TMEM156: variants seen among roughly 807,000 people sequenced by gnomAD.
The protein encoded by TMEM156 is transmembrane protein 156.
A neutral mutation model predicts 30.5 loss-of-function variants in TMEM156; 28 were observed. The ratio of observed to expected loss-of-function variants is 0.92; its 90% CI spans 0.68 to 1.26. The LOEUF (loss-of-function observed/expected upper bound fraction) is 1.26. Ranked by LOEUF, TMEM156 falls within the 50% of genes most tolerant of loss-of-function variation. The pLI is 0.00. For synonymous variants in TMEM156, 137 were observed against 119.9 expected, an observed-to-expected ratio of 1.14 and a Z score of -0.93; for missense variants, 351 against 340.6, an observed-to-expected ratio of 1.03 and a Z score of -0.24.
intron 5 of TMEM156, among the ~76,000 whole-genome samples, chr4:38,984,441 G>A (rs1711819123): frequency 6.6e-6 from 1 of 151,626 alleles, no homozygotes. Flanking sequence ...TGGAATGTGT[G>A]GCTAGTGTTG....
At chr4:38,978,590 G>A (rs902426410) in intron 5 of TMEM156, among the ~76,000 whole-genome samples, 53 of 152,276 alleles carry the variant, frequency 3.5e-4, no homozygotes, top group African/African-American at 1.2e-3. Flanking sequence ...TGATTTGGGG[G>A]TAACAAAAAT....
chr4:38,976,041 C>T (rs1380062929), intron 5 of TMEM156, among the ~76,000 whole-genome samples: 1 of 151,924 alleles, frequency 6.6e-6, no homozygotes, highest in East Asian at 1.9e-4. Flanking sequence ...AATCCCAGCA[C>T]TTCGGGAGGC....
intron 2 of TMEM156, 55 bp from the exon 3 acceptor site, chr4:38,994,053 A>T: frequency 6.8e-7 from 1 of 1,468,312 alleles, no homozygotes; most frequent in Non-Finnish European, 9.4e-7. Flanking sequence ...TAGCAAGAAA[A>T]CACATACAAT....
intron 2 of TMEM156, among the ~76,000 whole-genome samples, chr4:38,997,834 T>C (rs908690829): frequency 1.3e-5 from 2 of 152,212 alleles, no homozygotes; most frequent in African/African-American, 4.8e-5. Flanking sequence ...TCAGACATTG[T>C]GCACAAAGCT....
intron 5 of TMEM156, among the ~76,000 whole-genome samples, chr4:38,974,465 A>C (rs1458301116): frequency 1.3e-5 from 2 of 152,116 alleles, no homozygotes; most frequent in African/African-American, 2.4e-5. Context: ...GTCTTGCAAC[A>C]GTTTAAATAC....
In TMEM156 at chr4:39,007,811, T is replaced by A. The variant is rs117291532; in HGVS notation, c.89-8902A>T. Among the ~76,000 whole-genome samples, 66 of 152,222 alleles carry A rather than the reference T, an allele frequency of 4.3e-4. No homozygotes were observed. In the East Asian group the frequency reaches 0.011, roughly 25 times the overall value. ...GTTTCTTTGATATCTTTCAATAAGT[T>A]TTCTAAATTTTCTCCATTATGATCT... On this transcript the variant is annotated intron_variant, in intron 1 of 6. Transcript: ENST00000381938.
chr4:38,987,679 T>C (rs569315177), intron 4 of TMEM156, among the ~76,000 whole-genome samples: 1 of 152,320 alleles, frequency 6.6e-6, no homozygotes, highest in African/African-American at 2.4e-5. Flanking sequence ...CTAGACACTG[T>C]GGTAAACTTT....
intron 1 of TMEM156, among the ~76,000 whole-genome samples, chr4:39,027,966 AG>A (rs1256098437): frequency 6.6e-6 from 1 of 151,990 alleles, no homozygotes; most frequent in Non-Finnish European, 1.5e-5. Flanking sequence ...CATTTTGGCC[AG>A]GCCGGTCTTA....
chr4:38,982,179 T>C (rs1456771213), intron 5 of TMEM156, among the ~76,000 whole-genome samples: 3 of 152,200 alleles, frequency 2.0e-5, no homozygotes, highest in Non-Finnish European at 4.4e-5. Context: ...GGACTCCATC[T>C]TTCTCCATGC....
At chr4:39,012,815 T>C (rs538146962) in intron 1 of TMEM156, among the ~76,000 whole-genome samples, 20 of 152,200 alleles carry the variant, frequency 1.3e-4, no homozygotes, top group Admixed American at 1.2e-3. Context: ...GGCAGGTGCC[T>C]GTAATCCCAG....
At chr4:38,976,916 T>C (rs1457363830) in intron 5 of TMEM156, among the ~76,000 whole-genome samples, 2 of 151,350 alleles carry the variant, frequency 1.3e-5, no homozygotes, top group African/African-American at 4.9e-5. Context: ...TTGTTGTTGT[T>C]CTTGTTTGAG....
chr4:38,978,184 T>A (rs189096382), intron 5 of TMEM156, among the ~76,000 whole-genome samples: 1 of 151,850 alleles, frequency 6.6e-6, no homozygotes, highest in African/African-American at 2.4e-5. Flanking sequence ...CCCCAGCCAT[T>A]TTTTTTTATT....
At position 38,967,632 on chromosome 4, in the gene TMEM156, C is replaced by A. The variant is rs367844279; in HGVS notation, c.*48G>T. ...TTCAAAGGGCTCGGTCCAACTTGCC[C>A]GGGGATATTCTGAAGATTTAAATAA... On this transcript the variant is annotated 3_prime_UTR_variant, in exon 7 of 7. Transcript: ENST00000381938. 1 of 152,094 alleles carries A rather than the reference C, an allele frequency of 6.6e-6. No individual in the cohort carries two copies. Among genetic ancestry groups the A allele is most frequent in the African/African-American group, 2.4e-5 (1 of 41,418 alleles). The allele number at this position is 152,094 out of a possible 1,614,324, so 9.4% of individuals were successfully genotyped here.
In TMEM156 at chr4:38,986,438, T is replaced by C. The variant is rs931463707; in HGVS notation, c.740-19A>G. 6.4e-7 allele frequency: 1 copy of C among 1,557,784 alleles called. No homozygotes were observed. The highest frequency in any genetic ancestry group is 8.9e-7 in the Non-Finnish European group (1 of 1,129,228). On this transcript the variant is annotated intron_variant, in intron 4 of 6. Coordinates refer to ENST00000381938, the MANE Select transcript of TMEM156 (RefSeq NM_024943.3). ...CTATGACCTATTCCCAGAAAAGAAA[T>C]GAAGTATTTAGATGATAAACAAGCG... is the stretch of plus-strand genomic sequence containing the variant.
chr4:38,989,704 G>A (rs1712277317), intron 3 of TMEM156, among the ~76,000 whole-genome samples: 1 of 152,124 alleles, frequency 6.6e-6, no homozygotes, highest in Non-Finnish European at 1.5e-5. Context: ...AGCAGAACCA[G>A]GAATCAGTGA....
At position 38,984,351 on chromosome 4, in the gene TMEM156, G is replaced by GTCTCTCTCTCTC. The variant is rs1560360309; in HGVS notation, c.823+1984_823+1985insGAGAGAGAGAGA. On this transcript the variant is annotated intron_variant, in intron 5 of 6. Transcript: ENST00000381938. ...TCTCTCTGTCTCTCTCTCTCTCTCTGTGTGTGTGTGTGTGTGTGTGTGTGT... is the reference window on the plus strand; with the variant it reads ...TCTCTCTGTCTCTCTCTCTCTCTCTGTCTCTCTCTCTCTGTGTGTGTGTGTGTGTGTGTGTGT... 3.2e-4 allele frequency among the ~76,000 whole-genome samples: 10 copies of GTCTCTCTCTCTC among 31,238 alleles called. No individual in the cohort carries two copies. The Admixed American group carries it at 3.7e-3, about 12-fold the overall frequency. 20.5% of individuals were successfully genotyped at this position (31,238 alleles called of 152,430 possible). A position where few individuals can be genotyped will look rare whatever the true frequency, so the allele number is the denominator to read the frequency against.
Position 38,966,744 on chromosome 4 carries a change from T to C in TMEM156, c.*936A>G, listed in dbSNP as rs910127124. Reference sequence around the variant, plus strand: ...AAAGCCAAAAGAATCAAAGGAAACGTTTTGCTATTAAAGTACTTAAGTATT... The same window carrying C: ...AAAGCCAAAAGAATCAAAGGAAACGCTTTGCTATTAAAGTACTTAAGTATT... On this transcript the variant is annotated 3_prime_UTR_variant, in exon 7 of 7. Coordinates refer to ENST00000381938, the MANE Select transcript of TMEM156 (RefSeq NM_024943.3). 6.6e-6 allele frequency: 1 copy of C among 152,038 alleles called. No individual in the cohort carries two copies. The highest frequency in any genetic ancestry group is 1.5e-5 in the Non-Finnish European group (1 of 68,006). 9.4% of individuals were successfully genotyped at this position (152,038 alleles called of 1,614,324 possible). A position where few individuals can be genotyped will look rare whatever the true frequency, so the allele number is the denominator to read the frequency against.
chr4:39,011,644 A>C (rs4557268), intron 1 of TMEM156, among the ~76,000 whole-genome samples: 2 of 151,530 alleles, frequency 1.3e-5, no homozygotes, highest in Admixed American at 1.3e-4. Flanking sequence ...CATGGTGGCA[A>C]GGACCTGTAA....
At chr4:39,006,441 C>T (rs1023423280) in intron 1 of TMEM156, among the ~76,000 whole-genome samples, 1 of 152,026 alleles carries the variant, frequency 6.6e-6, no homozygotes, top group African/African-American at 2.4e-5. Flanking sequence ...AGTACCTTAT[C>T]TATTTATTTT....
Sources: gnomAD v4.1 joint callset for allele counts (sites outside exome capture counted in the v4.1 genomes callset) on GRCh38, gnomAD v4.1.1 for gene constraint, MANE v1.5 for transcripts, NCBI Gene and HGNC (gene_info 2026-07-23, HGNC 2026-07-21) for gene names.